The following DMD variants were observed in gnomAD, a reference collection of about 807,000 sequenced individuals.
The protein encoded by DMD is mutant dystrophin.
A neutral mutation model predicts 330.1 loss-of-function variants in DMD; 63 were observed. The observed-to-expected ratio is 0.19, with a 90% CI of 0.16 to 0.24. The LOEUF is 0.24. Among genes scored for constraint, DMD ranks in the 10% least tolerant of loss-of-function variants. The pLI is 1.00. For synonymous variants in DMD, 1,223 were observed against 959.8 expected, an observed-to-expected ratio of 1.27 and a Z score of -5.07; for missense variants, 3,344 against 2,684.1, an observed-to-expected ratio of 1.25 and a Z score of -5.43.
intron 1 of DMD, among the ~76,000 whole-genome samples, chrX:33,236,605 G>A (rs189178131): frequency 1.2e-3 from 129 of 110,794 alleles, no homozygotes; most frequent in Non-Finnish European, 5.5e-4. Flanking sequence ...TGTGGGGTGT[G>A]GTGGGGAACA....
chrX:32,828,009 T>C (rs1016544670), intron 4 of DMD, among the ~76,000 whole-genome samples: 5 of 111,416 alleles, frequency 4.5e-5, no homozygotes, highest in African/African-American at 1.3e-4. Flanking sequence ...TTTCTGTTCA[T>C]GCACTAGTTT....
chrX:31,499,489 CTTTTTTTT>C (rs774151183), intron 56 of DMD, among the ~76,000 whole-genome samples: 1 of 83,691 alleles, frequency 1.2e-5, no homozygotes, highest in Non-Finnish European at 2.3e-5. Flanking sequence ...GAATTCAGTT[CTTTTTTTT>C]TTTTTTTTTT....
chrX:32,730,677 T>G (rs1029685367), intron 7 of DMD, among the ~76,000 whole-genome samples: 1 of 112,198 alleles, frequency 8.9e-6, no homozygotes, highest in African/African-American at 3.2e-5. Flanking sequence ...GTTTGGAATC[T>G]TTAATATAGG....
chrX:32,703,754 T>C (rs1642690734), intron 7 of DMD, among the ~76,000 whole-genome samples: 1 of 111,661 alleles, frequency 9.0e-6, no homozygotes, highest in African/African-American at 3.3e-5. Context: ...GAGAATTATG[T>C]AAGACAGTGA....
At chrX:31,302,785 T>C (rs2054748678) in intron 62 of DMD, among the ~76,000 whole-genome samples, 1 of 111,349 alleles carries the variant, frequency 9.0e-6, no homozygotes, top group Non-Finnish European at 1.9e-5. Flanking sequence ...CATAAAGAAC[T>C]ATAAATTAAA....
chrX:33,002,721 T>C (rs1301900040), intron 2 of DMD, among the ~76,000 whole-genome samples: 2 of 108,496 alleles, frequency 1.8e-5, no homozygotes, highest in African/African-American at 6.7e-5. Context: ...CTGGTCCTTA[T>C]GTTACTTAGG....
chrX:31,451,562 C>A (rs1473214591), intron 59 of DMD, among the ~76,000 whole-genome samples: 2 of 110,108 alleles, frequency 1.8e-5, no homozygotes, highest in Non-Finnish European at 3.8e-5. Context: ...GATTACAGGC[C>A]TGAGCCACCG....
At chrX:31,376,093 C>T (rs1161686831) in intron 60 of DMD, among the ~76,000 whole-genome samples, 2 of 111,956 alleles carry the variant, frequency 1.8e-5, no homozygotes, top group African/African-American at 6.5e-5. Flanking sequence ...CTCCACACAT[C>T]TCTTTAGACT....
intron 55 of DMD, among the ~76,000 whole-genome samples, chrX:31,550,406 T>C (rs1219723791): frequency 8.9e-6 from 1 of 111,967 alleles, no homozygotes; most frequent in African/African-American, 3.2e-5. Flanking sequence ...AACACAGAAG[T>C]CTGCTAGAAG....
intron 60 of DMD, among the ~76,000 whole-genome samples, chrX:31,434,767 T>C (rs2064389897): frequency 9.0e-6 from 1 of 111,605 alleles, no homozygotes; most frequent in African/African-American, 3.3e-5. Flanking sequence ...AGAAGAGTGA[T>C]TCTAGTTTTT....
chrX:32,996,029 G>A (rs1029653027), intron 2 of DMD, among the ~76,000 whole-genome samples: 1 of 111,935 alleles, frequency 8.9e-6, no homozygotes, highest in Non-Finnish European at 1.9e-5. Context: ...AGAGTCAATT[G>A]CAAGGTCATT....
At chrX:33,329,364 C>A (rs2054136852) in intron 1 of DMD, among the ~76,000 whole-genome samples, 2 of 111,999 alleles carry the variant, frequency 1.8e-5, no homozygotes. Context: ...GCATTTTCAA[C>A]TAAAGATGAG....
chrX:32,657,906 C>T (rs1049643332), intron 9 of DMD, among the ~76,000 whole-genome samples: 7 of 111,613 alleles, frequency 6.3e-5, no homozygotes, highest in African/African-American at 2.3e-4. Flanking sequence ...AAATGATTCA[C>T]TGGATACTTT....
chrX:31,966,071 G>A (rs141156201), intron 45 of DMD, among the ~76,000 whole-genome samples: 1,990 of 110,823 alleles, frequency 0.018, 43 homozygotes, highest in African/African-American at 0.061. Flanking sequence ...ATTTCTAACC[G>A]CTGTACTTAA....
chrX:31,364,044 T>C (rs773780984), intron 60 of DMD, among the ~76,000 whole-genome samples: 3 of 112,931 alleles, frequency 2.7e-5, no homozygotes, highest in African/African-American at 6.4e-5. Flanking sequence ...ATACAGACTA[T>C]TGTCAGATCT....
chrX:31,582,404 A>T (rs761931363), intron 55 of DMD, among the ~76,000 whole-genome samples: 2 of 111,544 alleles, frequency 1.8e-5, no homozygotes, highest in East Asian at 5.7e-4. Flanking sequence ...AGATTATGTC[A>T]TGTGTGACCT....
chrX:31,165,402 T>G (rs1157727513), intron 74 of DMD, among the ~76,000 whole-genome samples: 1 of 112,306 alleles, frequency 8.9e-6, no homozygotes, highest in African/African-American at 3.2e-5. Flanking sequence ...TTAGACTTTA[T>G]GGTGAATTAG....
At chrX:32,543,145 G>A (rs2048642991) in intron 17 of DMD, among the ~76,000 whole-genome samples, 1 of 111,416 alleles carries the variant, frequency 9.0e-6, no homozygotes, top group South Asian at 3.8e-4. Context: ...CTACTACTGA[G>A]CACATAATAA....
chrX:31,401,333 A>G (rs2061182211), intron 60 of DMD, among the ~76,000 whole-genome samples: 1 of 111,990 alleles, frequency 8.9e-6, no homozygotes, highest in Non-Finnish European at 1.9e-5. Flanking sequence ...CGTTAGAAAT[A>G]TTGAATGCCA....
Sources: allele counts gnomAD v4.1 joint callset (sites outside exome capture counted in the v4.1 genomes callset), GRCh38; gene constraint gnomAD v4.1.1; transcripts MANE v1.5; gene names NCBI Gene and HGNC (gene_info 2026-07-23, HGNC 2026-07-21).